Variants in SPOCK3 observed in about 807,000 individuals in gnomAD.
The protein encoded by SPOCK3 is SPARC (osteonectin), cwcv and kazal like domains proteoglycan 3.
A neutral mutation model predicts 56.6 loss-of-function variants in SPOCK3; 30 were observed. That is an observed-to-expected ratio of 0.53 (90% CI 0.40 to 0.72). SPOCK3 has a LOEUF of 0.72. Among genes scored for constraint, SPOCK3 ranks in the 30% least tolerant of loss-of-function variants. The probability of loss-of-function intolerance (pLI) is 0.00; values close to 1 mark genes in which losing one functional copy is unlikely to be tolerated. For missense variants in SPOCK3, 527 were observed against 530.0 expected, an observed-to-expected ratio of 0.99 and a Z score of 0.06; for synonymous variants, 196 against 183.3, an observed-to-expected ratio of 1.07 and a Z score of -0.56.
intron 7 of SPOCK3, among the ~76,000 whole-genome samples, chr4:166,785,978 C>A (rs1740689783): frequency 6.6e-6 from 1 of 152,084 alleles, no homozygotes; most frequent in Admixed American, 6.6e-5. Flanking sequence ...AACTATTGAC[C>A]TTAGAGTGCT....
chr4:166,843,429 A>T (rs1227378388), intron 6 of SPOCK3, among the ~76,000 whole-genome samples: 1 of 152,246 alleles, frequency 6.6e-6, no homozygotes, highest in African/African-American at 2.4e-5. Context: ...TGAGTTAATC[A>T]AAAAGGACAT....
chr4:166,774,437 ATT>A (rs1739300760), intron 7 of SPOCK3, among the ~76,000 whole-genome samples: 1 of 151,916 alleles, frequency 6.6e-6, no homozygotes, highest in African/African-American at 2.4e-5. Context: ...CATATGTGAT[ATT>A]TTTCTCTGGC....
chr4:166,765,910 T>A (rs186937237), intron 7 of SPOCK3, among the ~76,000 whole-genome samples: 29,821 of 151,930 alleles, frequency 0.2, 3,540 homozygotes, highest in South Asian at 0.3. Context: ...CACATCCCTT[T>A]TAAGTTGGAT....
intron 6 of SPOCK3, among the ~76,000 whole-genome samples, chr4:166,887,468 A>G (rs1734320010): frequency 6.6e-6 from 1 of 152,148 alleles, no homozygotes; most frequent in African/African-American, 2.4e-5. Flanking sequence ...TTTGTCTTCA[A>G]TTTAATTGTG....
chr4:167,157,005 G>A (rs190122119), intron 2 of SPOCK3, among the ~76,000 whole-genome samples: 1 of 152,170 alleles, frequency 6.6e-6, no homozygotes, highest in Admixed American at 6.6e-5. Flanking sequence ...TGGATCTCTT[G>A]CATTAAGTTT....
At chr4:167,205,246 ATAT>A (rs1373972636) in intron 2 of SPOCK3, among the ~76,000 whole-genome samples, 4 of 83,990 alleles carry the variant, frequency 4.8e-5, no homozygotes, top group Non-Finnish European at 4.3e-5. Flanking sequence ...TACATATTAT[ATAT>A]TATATATATT....
intron 2 of SPOCK3, among the ~76,000 whole-genome samples, chr4:167,074,321 T>G (rs1756972357): frequency 1.3e-5 from 2 of 151,958 alleles, no homozygotes; most frequent in South Asian, 4.1e-4. Flanking sequence ...CATGGTTTAG[T>G]TGAACGCTGC....
At chr4:166,847,645 GTT>G (rs1178144964) in intron 6 of SPOCK3, among the ~76,000 whole-genome samples, 2 of 19,082 alleles carry the variant, frequency 1.0e-4, no homozygotes, top group African/African-American at 3.7e-4. Context: ...GAAAATCCTA[GTT>G]TATATATATA....
At chr4:166,869,787 C>T (rs1404492074) in intron 6 of SPOCK3, among the ~76,000 whole-genome samples, 2 of 152,028 alleles carry the variant, frequency 1.3e-5, no homozygotes, top group Non-Finnish European at 2.9e-5. Flanking sequence ...GGCAAATCAT[C>T]ACACGAAATC....
intron 8 of SPOCK3, chr4:166,754,057 TA>T (rs1300834377): frequency 1.1e-6 from 1 of 939,286 alleles, no homozygotes; most frequent in Non-Finnish European, 1.3e-6. Flanking sequence ...ATCACATGAG[TA>T]AAAATAACTT....
chr4:166,871,622 C>T (rs935991886), intron 6 of SPOCK3, among the ~76,000 whole-genome samples: 1 of 39,012 alleles, frequency 2.6e-5, no homozygotes, highest in Non-Finnish European at 5.0e-5. Flanking sequence ...TTCTATGGAA[C>T]ATTTAGAAAA....
At chr4:166,772,483 A>C (rs916720430) in intron 7 of SPOCK3, among the ~76,000 whole-genome samples, 1 of 152,188 alleles carries the variant, frequency 6.6e-6, no homozygotes, top group African/African-American at 2.4e-5. Context: ...ATAATGGTGA[A>C]GAAATTGCAT....
intron 2 of SPOCK3, among the ~76,000 whole-genome samples, chr4:167,115,050 G>A (rs1427427042): frequency 3.9e-5 from 6 of 152,084 alleles, no homozygotes; most frequent in Non-Finnish European, 5.9e-5. Flanking sequence ...GAGCCTATAA[G>A]AAGATTATAT....
At chr4:166,901,925 GT>G (rs569211578) in intron 5 of SPOCK3, among the ~76,000 whole-genome samples, 3 of 152,092 alleles carry the variant, frequency 2.0e-5, no homozygotes, top group Non-Finnish European at 4.4e-5. Context: ...TCAAACACCT[GT>G]TGATGGAGTG....
intron 2 of SPOCK3, among the ~76,000 whole-genome samples, chr4:167,216,097 C>T (rs1358729255): frequency 6.6e-6 from 1 of 152,092 alleles, no homozygotes; most frequent in Non-Finnish European, 1.5e-5. Context: ...TCACTTCAGA[C>T]TTCTTCTGAT....
At chr4:166,879,964 G>T (rs986625946) in intron 6 of SPOCK3, among the ~76,000 whole-genome samples, 1 of 152,078 alleles carries the variant, frequency 6.6e-6, no homozygotes, top group African/African-American at 2.4e-5. Context: ...CTTCTACCAT[G>T]ATTGTAAATT....
At chr4:167,029,080 C>G (rs1199969829) in intron 3 of SPOCK3, among the ~76,000 whole-genome samples, 1 of 151,984 alleles carries the variant, frequency 6.6e-6, no homozygotes, top group African/African-American at 2.4e-5. Flanking sequence ...TCCCTGCCCC[C>G]ACAGACAGGC....
intron 4 of SPOCK3, among the ~76,000 whole-genome samples, chr4:166,961,613 C>T (rs1744155535): frequency 6.6e-6 from 1 of 151,612 alleles, no homozygotes; most frequent in Non-Finnish European, 1.5e-5. Context: ...CAAGTTTATT[C>T]CTGAGGCCGG....
chr4:166,868,235 C>A (rs1036497172), intron 6 of SPOCK3, among the ~76,000 whole-genome samples: 44 of 150,222 alleles, frequency 2.9e-4, no homozygotes, highest in African/African-American at 9.8e-4. Flanking sequence ...CACATGAGAC[C>A]GGGAGTTTGA....
Sources: gnomAD v4.1 joint callset for allele counts (sites outside exome capture counted in the v4.1 genomes callset) on GRCh38, gnomAD v4.1.1 for gene constraint, MANE v1.5 for transcripts, NCBI Gene and HGNC (gene_info 2026-07-23, HGNC 2026-07-21) for gene names.